MLLT3: variants seen among roughly 807,000 people sequenced by gnomAD.
MLLT3 encodes MLLT3 super elongation complex subunit, also known as protein AF-9.
A neutral mutation model predicts 53.2 loss-of-function variants in MLLT3; 4 were observed. The ratio of observed to expected loss-of-function variants is 0.08; its 90% CI spans 0.04 to 0.17. The LOEUF (loss-of-function observed/expected upper bound fraction) is 0.17, where lower values mean the gene tolerates loss of function less well. MLLT3 is among the 10% of genes least tolerant of loss of function. The probability of loss-of-function intolerance (pLI) is 1.00; values close to 1 mark genes in which losing one functional copy is unlikely to be tolerated. For missense variants in MLLT3, 569 were observed against 684.0 expected (o/e 0.83, Z 1.87); for synonymous variants, 283 against 230.6 (o/e 1.23, Z -2.06).
At chr9:20,542,358 C>A (rs1818660562) in intron 2 of MLLT3, among the ~76,000 whole-genome samples, 1 of 151,152 alleles carries the variant, frequency 6.6e-6, no homozygotes, top group Admixed American at 6.6e-5. Flanking sequence ...TCACGCCATT[C>A]TCCTGCCTCA....
rs138051162 is a variant in MLLT3 at position 20,453,209 on chromosome 9, G to A, written c.276+3495C>T. Among the ~76,000 whole-genome samples the A allele has an allele frequency of 4.9e-4, 74 of 152,190 alleles. 1 individual carries two copies. In the East Asian group the frequency reaches 0.011, roughly 22 times the overall value. On this transcript the variant is annotated intron_variant, in intron 3 of 10. Transcript: ENST00000380338. ...AAGTACTTAAAAATGCTATATCCATGTGCCTTCTACTGAGATTAAACAGAT... is the reference window on the plus strand; with the variant it reads ...AAGTACTTAAAAATGCTATATCCATATGCCTTCTACTGAGATTAAACAGAT...
chr9:20,550,550 G>A lies in MLLT3; in HGVS notation c.193+70104C>T, dbSNP rs113274234. Among the ~76,000 whole-genome samples the A allele has an allele frequency of 4.0e-5, 6 of 151,414 alleles. 1 individual carries two copies. The highest frequency in any genetic ancestry group is 1.2e-4 in the African/African-American group (5 of 41,290). ...GACTCAAGTGATCCTCCCACCCCAC[G>A]AGTAACTGGGACCACAAGCACACAC... On this transcript the variant is annotated intron_variant, in intron 2 of 10. Transcript: ENST00000380338.
At chr9:20,542,487 T>C (rs529523008) in intron 2 of MLLT3, among the ~76,000 whole-genome samples, 2 of 152,250 alleles carry the variant, frequency 1.3e-5, no homozygotes, top group East Asian at 3.9e-4. Context: ...CCTGACCTCA[T>C]GATCCACCCG....
intron 7 of MLLT3, 62 bp downstream of exon 7, chr9:20,363,414 G>A: frequency 6.3e-7 from 1 of 1,591,508 alleles, no homozygotes; most frequent in South Asian, 1.1e-5. Flanking sequence ...GATTATCCCA[G>A]CAGGGCTTGT....
intron 2 of MLLT3, among the ~76,000 whole-genome samples, chr9:20,508,911 T>C (rs370280629): frequency 3.0e-4 from 45 of 152,170 alleles, no homozygotes; most frequent in East Asian, 1.3e-3. Flanking sequence ...CAAAAGAATA[T>C]GGTATATGAT....
intron 2 of MLLT3, among the ~76,000 whole-genome samples, chr9:20,555,483 CAT>C: frequency 6.6e-6 from 1 of 152,266 alleles, no homozygotes; most frequent in Non-Finnish European, 1.5e-5. Context: ...GCTGAGAAAA[CAT>C]AAAACTTAAA....
intron 8 of MLLT3, 51 bp from the exon 9 acceptor site, chr9:20,354,930 G>A: frequency 7.5e-7 from 1 of 1,337,602 alleles, no homozygotes; most frequent in South Asian, 1.2e-5. Context: ...GCATCTCTTA[G>A]CTAACCAGCC....
intron 3 of MLLT3, among the ~76,000 whole-genome samples, chr9:20,455,240 A>C (rs965095428): frequency 1.3e-5 from 2 of 152,248 alleles, no homozygotes; most frequent in Admixed American, 1.3e-4. Context: ...ATTCTAGCAA[A>C]GAGTTGTTGC....
At chr9:20,407,094 A>G (rs1260456081) in intron 5 of MLLT3, among the ~76,000 whole-genome samples, 1 of 152,232 alleles carries the variant, frequency 6.6e-6, no homozygotes, top group Non-Finnish European at 1.5e-5. Flanking sequence ...TAATTCAAAG[A>G]AAGCACAGCC....
chr9:20,587,960 T>A (rs1340448121), intron 2 of MLLT3, among the ~76,000 whole-genome samples: 173 of 150,842 alleles, frequency 1.1e-3, no homozygotes, highest in African/African-American at 4.0e-3. Context: ...TCTTCTAGGG[T>A]TTTTATGGTT....
At chr9:20,361,858 C>G (rs1224759093) in intron 7 of MLLT3, among the ~76,000 whole-genome samples, 1 of 152,058 alleles carries the variant, frequency 6.6e-6, no homozygotes, top group African/African-American at 2.4e-5. Context: ...TTTTAGAAAT[C>G]AGGATAGTTT....
chr9:20,443,647 T>G (rs539471011), intron 4 of MLLT3, among the ~76,000 whole-genome samples: 1 of 152,324 alleles, frequency 6.6e-6, no homozygotes, highest in African/African-American at 2.4e-5. Context: ...TGAATAAATA[T>G]TGAGTAGCTT....
intron 2 of MLLT3, among the ~76,000 whole-genome samples, chr9:20,468,175 T>A (rs939228279): frequency 3.3e-5 from 5 of 152,216 alleles, no homozygotes; most frequent in African/African-American, 1.2e-4. Context: ...TAAAACACTT[T>A]CTGAAAACTA....
intron 2 of MLLT3, among the ~76,000 whole-genome samples, chr9:20,486,197 TA>T (rs1468364395): frequency 6.6e-6 from 1 of 152,112 alleles, no homozygotes; most frequent in Non-Finnish European, 1.5e-5. Flanking sequence ...CAAAAACATA[TA>T]ACCAGAAATA....
At chr9:20,464,485 C>T (rs1242642736) in intron 2 of MLLT3, among the ~76,000 whole-genome samples, 1 of 151,928 alleles carries the variant, frequency 6.6e-6, no homozygotes, top group Non-Finnish European at 1.5e-5. Flanking sequence ...AGACAACATG[C>T]ATATATAAAA....
At chr9:20,379,194 A>G (rs1821849306) in intron 5 of MLLT3, among the ~76,000 whole-genome samples, 1 of 152,034 alleles carries the variant, frequency 6.6e-6, no homozygotes, top group South Asian at 2.1e-4. Context: ...AACCTTTAAC[A>G]TCTGCTCCCT....
At chr9:20,352,658 T>C (rs1821057408) in intron 10 of MLLT3, among the ~76,000 whole-genome samples, 1 of 147,768 alleles carries the variant, frequency 6.8e-6, no homozygotes, top group Non-Finnish European at 1.5e-5. Context: ...TATTTATAGA[T>C]GTAAGCAAAA....
chr9:20,528,153 G>A (rs975006206), intron 2 of MLLT3, among the ~76,000 whole-genome samples: 4 of 152,090 alleles, frequency 2.6e-5, no homozygotes, highest in Non-Finnish European at 5.9e-5. Context: ...ATCTAATTGA[G>A]GTTAAAGACC....
At chr9:20,451,962 G>T (rs1462630161) in intron 3 of MLLT3, among the ~76,000 whole-genome samples, 1 of 152,058 alleles carries the variant, frequency 6.6e-6, no homozygotes, top group Non-Finnish European at 1.5e-5. Flanking sequence ...ACAAACTCAA[G>T]AGAAGTACTG....
Sources: allele counts gnomAD v4.1 joint callset (sites outside exome capture counted in the v4.1 genomes callset), GRCh38; gene constraint gnomAD v4.1.1; transcripts MANE v1.5; gene names NCBI Gene and HGNC (gene_info 2026-07-23, HGNC 2026-07-21).